CDH22: variants seen among roughly 807,000 people sequenced by gnomAD.
CDH22 encodes the protein cadherin 22.
In CDH22, 30 loss-of-function variants were observed where a neutral mutation model predicts 58.4. The observed-to-expected ratio is 0.51, with a 90% CI of 0.38 to 0.70. The LOEUF (loss-of-function observed/expected upper bound fraction) is 0.70. CDH22 is among the 30% of genes least tolerant of loss of function. CDH22 has a pLI of 0.00. For synonymous variants in CDH22, 513 were observed against 558.2 expected, an observed-to-expected ratio of 0.92 and a Z score of 1.14; for missense variants, 1,014 against 1,233.9, an observed-to-expected ratio of 0.82 and a Z score of 2.67.
At chr20:46,192,265 G>A (rs2085866333) in intron 8 of CDH22, among the ~76,000 whole-genome samples, 1 of 152,206 alleles carries the variant, frequency 6.6e-6, no homozygotes, top group African/African-American at 2.4e-5. Flanking sequence ...CACTGTCTGT[G>A]GCATTTCTGA....
intron 1 of CDH22, among the ~76,000 whole-genome samples, chr20:46,273,494 T>G (rs1251732275): frequency 6.6e-6 from 1 of 152,232 alleles, no homozygotes; most frequent in Non-Finnish European, 1.5e-5. Flanking sequence ...CACATCGTTA[T>G]GGCTCAATAA....
At chr20:46,272,884 T>C (rs2086499049) in intron 1 of CDH22, among the ~76,000 whole-genome samples, 1 of 152,250 alleles carries the variant, frequency 6.6e-6, no homozygotes. Context: ...ACTTGAATTT[T>C]ATTTTAAGGA....
chr20:46,237,334 T>C (rs1429760770), intron 3 of CDH22, among the ~76,000 whole-genome samples: 1 of 152,152 alleles, frequency 6.6e-6, no homozygotes, highest in East Asian at 1.9e-4. Context: ...CACACTTCCC[T>C]TCCCTTTTAA....
chr20:46,293,479 C>G (rs189654364), intron 1 of CDH22, among the ~76,000 whole-genome samples: 1 of 152,088 alleles, frequency 6.6e-6, no homozygotes, highest in East Asian at 1.9e-4. Context: ...TGTGCAGTCT[C>G]CGACCCAAGA....
At chr20:46,265,382 G>A (rs527844762) in intron 1 of CDH22, among the ~76,000 whole-genome samples, 1 of 152,154 alleles carries the variant, frequency 6.6e-6, no homozygotes, top group East Asian at 1.9e-4. Context: ...AATGAAAGCT[G>A]CACAAATCAT....
intron 1 of CDH22, among the ~76,000 whole-genome samples, chr20:46,284,995 G>A (rs1023677884): frequency 5.9e-5 from 9 of 151,996 alleles, no homozygotes; most frequent in East Asian, 5.8e-4. Context: ...GCTTTCCCCC[G>A]ACCCCCAACC....
At chr20:46,178,236 G>A (rs2281335) in intron 10 of CDH22, 39 bp from the exon 11 acceptor site, 442,352 of 1,589,892 alleles carry the variant, frequency 0.28, 62,574 homozygotes, top group South Asian at 0.33. Flanking sequence ...ACTTGGGGCC[G>A]GGGGTCAGCA....
intron 4 of CDH22, among the ~76,000 whole-genome samples, chr20:46,223,498 C>T (rs2086140837): frequency 6.6e-6 from 1 of 152,228 alleles, no homozygotes; most frequent in Non-Finnish European, 1.5e-5. Flanking sequence ...TACATACTTC[C>T]TGTTCCCTTG....
intron 1 of CDH22, among the ~76,000 whole-genome samples, chr20:46,279,924 A>G (rs1462106438): frequency 6.6e-6 from 1 of 152,152 alleles, no homozygotes; most frequent in African/African-American, 2.4e-5. Flanking sequence ...TTTTTAACCC[A>G]TGTGAACTTA....
rs2086286838 is a variant in CDH22 at position 46,241,100 on chromosome 20, T to C, written c.413A>G (p.Gln138Arg). The C allele has an allele frequency of 1.2e-6, 2 of 1,614,066 alleles. No individual in the cohort carries two copies. Among genetic ancestry groups the C allele is most frequent in the African/African-American group, 1.3e-5 (1 of 74,926 alleles). Reference protein sequence around the residue: ...EQKTFYTLRAQARDRATNRLL... With the variant: ...EQKTFYTLRARARDRATNRLL... ...GCGGTTGGTGGCGCGATCCCGAGCC[T>C]GGGCCCGCAGCGTGTAGAAGGTTTT... The change falls in exon 3 of 12, where the codon CAG becomes CGG. Residue 138 changes from glutamine (Q) to arginine (R), a missense_variant. By Grantham distance (43) the Gln-to-Arg change is conservative (BLOSUM62 1). Around this residue, in one of 2 missense-constraint regions of CDH22, gnomAD observed 806 missense variants for 1,038.7 expected, o/e 0.78. Coordinates refer to ENST00000537909, the MANE Select transcript of CDH22 (RefSeq NM_021248.3). The surrounding 1 kb of genome is among the most constrained non-coding windows in gnomAD (Gnocchi z 5.2).
In CDH22 at chr20:46,187,871, G is replaced by A. The variant is rs2085837942; in HGVS notation, c.1424-924C>T. On this transcript the variant is annotated intron_variant, in intron 8 of 11. Coordinates refer to ENST00000537909, the MANE Select transcript of CDH22 (RefSeq NM_021248.3). ...ACAATTTCTATCCCCATATTGCAAA[G>A]GAGAAACTAAAACGTGGGATGCTTT... Among the ~76,000 whole-genome samples, 3 of 152,240 alleles carry A rather than the reference G, an allele frequency of 2.0e-5. No homozygotes were observed. In the Middle Eastern group the frequency reaches 0.01, roughly 518 times the overall value.
chr20:46,250,035 G>T (rs1413854450), intron 2 of CDH22, among the ~76,000 whole-genome samples: 1 of 152,120 alleles, frequency 6.6e-6, no homozygotes, highest in East Asian at 1.9e-4. Flanking sequence ...CCCCAAAGTG[G>T]CAGAGGCTGG....
At chr20:46,285,055 C>A (rs1411246545) in intron 1 of CDH22, among the ~76,000 whole-genome samples, 1 of 152,200 alleles carries the variant, frequency 6.6e-6, no homozygotes, top group East Asian at 1.9e-4. Context: ...TCATCCCCAA[C>A]AGCCCCAGAC....
At chr20:46,189,828 C>G (rs1252717660) in intron 8 of CDH22, among the ~76,000 whole-genome samples, 1 of 152,152 alleles carries the variant, frequency 6.6e-6, no homozygotes, top group Non-Finnish European at 1.5e-5. Context: ...TTGGCTGGCC[C>G]CAGGTCAGTA....
At chr20:46,215,341 C>A (rs2145694389) in intron 5 of CDH22, among the ~76,000 whole-genome samples, 1 of 152,304 alleles carries the variant, frequency 6.6e-6, no homozygotes, top group South Asian at 2.1e-4. Flanking sequence ...CTACCAGCAA[C>A]ATAAGTTCAT....
intron 10 of CDH22, among the ~76,000 whole-genome samples, chr20:46,185,112 A>G (rs1193153811): frequency 1.4e-5 from 2 of 138,986 alleles, no homozygotes; most frequent in African/African-American, 5.6e-5. Context: ...AAAAAACAAC[A>G]AAAAAACCCC....
chr20:46,202,903 G>A (rs2085972198), intron 7 of CDH22, among the ~76,000 whole-genome samples: 4 of 151,996 alleles, frequency 2.6e-5, no homozygotes, highest in African/African-American at 9.7e-5. Flanking sequence ...CTGGGCTTCT[G>A]ATCCCTCGTC....
At chr20:46,264,464 C>A (rs2086448588) in intron 1 of CDH22, among the ~76,000 whole-genome samples, 1 of 152,206 alleles carries the variant, frequency 6.6e-6, no homozygotes, top group South Asian at 2.1e-4. Flanking sequence ...AGAGGTAACA[C>A]TGAGTTCCAT....
intron 3 of CDH22, among the ~76,000 whole-genome samples, chr20:46,237,442 G>C (rs997905162): frequency 6.6e-6 from 1 of 152,204 alleles, no homozygotes; most frequent in Non-Finnish European, 1.5e-5. Flanking sequence ...CCCTGGTGCT[G>C]CTTGTCGGCC....
Sources: gnomAD v4.1 joint callset for allele counts (sites outside exome capture counted in the v4.1 genomes callset) on GRCh38, gnomAD v4.1.1 for gene constraint, gnomAD v4.1.1 regional missense constraint, Gnocchi (gnomAD v3.1) non-coding constraint, MANE v1.5 for transcripts, NCBI Gene and HGNC (gene_info 2026-07-23, HGNC 2026-07-21) for gene names.